NRXN1: variants seen among roughly 807,000 people sequenced by gnomAD.
NRXN1 encodes the protein neurexin 1.
NRXN1 carries 39 observed loss-of-function variants against 150.9 expected under a neutral mutation model. The ratio of observed to expected loss-of-function variants is 0.26; its 90% CI spans 0.20 to 0.34. NRXN1 has a LOEUF of 0.34. NRXN1 is among the 10% of genes least tolerant of loss of function. The probability of loss-of-function intolerance (pLI) is 1.00; values close to 1 mark genes in which losing one functional copy is unlikely to be tolerated. For missense variants in NRXN1, 1,815 were observed against 1,949.9 expected (o/e 0.93, Z 1.30); for synonymous variants, 924 against 757.0 (o/e 1.22, Z -3.62).
At chr2:50,629,430 T>G (rs1279982463) in intron 5 of NRXN1, among the ~76,000 whole-genome samples, 1 of 151,652 alleles carries the variant, frequency 6.6e-6, no homozygotes, top group African/African-American at 2.4e-5. Flanking sequence ...AACTAGCCTC[T>G]GTTGTTGTAA....
At chr2:50,084,305 G>C (rs1314786254) in intron 19 of NRXN1, among the ~76,000 whole-genome samples, 1 of 152,192 alleles carries the variant, frequency 6.6e-6, no homozygotes, top group Non-Finnish European at 1.5e-5. Context: ...GGGGACACTG[G>C]GGAGGGGAGG....
chr2:50,472,475 C>A lies in NRXN1; in HGVS notation c.3071-4G>T, dbSNP rs368531714. On this transcript the variant is annotated splice_region_variant and splice_polypyrimidine_tract_variant and intron_variant, in intron 15 of 22. Coordinates refer to ENST00000401669, the MANE Select transcript of NRXN1 (RefSeq NM_001330078.2). ...ACTCCTCCTATATATAAGTCACCTG[C>A]AAGAAGATCAAAGTCTTTGTTACAA... The A allele has an allele frequency of 4.4e-6, 7 of 1,607,078 alleles. No individual in the cohort carries two copies. The African/African-American group carries it at 8.1e-5, about 18-fold the overall frequency.
At chr2:50,478,842 A>T (rs556213175) in intron 15 of NRXN1, among the ~76,000 whole-genome samples, 1 of 152,290 alleles carries the variant, frequency 6.6e-6, no homozygotes, top group South Asian at 2.1e-4. Flanking sequence ...CTCACACCTT[A>T]CAATCAACTA....
intron 12 of NRXN1, among the ~76,000 whole-genome samples, chr2:50,513,402 C>G (rs1286381662): frequency 6.6e-6 from 1 of 152,074 alleles, no homozygotes; most frequent in Admixed American, 6.5e-5. Flanking sequence ...TTAGGCCTCC[C>G]AAAGTCAAAT....
intron 21 of NRXN1, among the ~76,000 whole-genome samples, chr2:49,954,816 T>C (rs1674644599): frequency 6.6e-6 from 1 of 152,188 alleles, no homozygotes; most frequent in Non-Finnish European, 1.5e-5. Flanking sequence ...TCTAAAAGTA[T>C]GAAGACTGCT....
intron 18 of NRXN1, among the ~76,000 whole-genome samples, chr2:50,224,231 G>A: frequency 6.6e-6 from 1 of 151,948 alleles, no homozygotes; most frequent in African/African-American, 2.4e-5. Context: ...TTTGTACAAA[G>A]AAAAATGAAG....
At chr2:49,973,428 T>G (rs1678310456) in intron 21 of NRXN1, among the ~76,000 whole-genome samples, 1 of 152,166 alleles carries the variant, frequency 6.6e-6, no homozygotes, top group Non-Finnish European at 1.5e-5. Context: ...AATTCAGACA[T>G]TCCATCTTTA....
At chr2:50,980,647 T>C (rs1696642565) in intron 2 of NRXN1, among the ~76,000 whole-genome samples, 2 of 152,108 alleles carry the variant, frequency 1.3e-5, no homozygotes, top group Admixed American at 1.3e-4. Context: ...TAAATAAATG[T>C]ACACAATAAT....
At chr2:50,605,332 GCAT>G (rs1676915634) in intron 8 of NRXN1, among the ~76,000 whole-genome samples, 1 of 152,164 alleles carries the variant, frequency 6.6e-6, no homozygotes, top group Non-Finnish European at 1.5e-5. Context: ...TGTAAATCCA[GCAT>G]CTAGTCAGTG....
chr2:50,703,294 T>C (rs1161018984), intron 5 of NRXN1, among the ~76,000 whole-genome samples: 3 of 152,000 alleles, frequency 2.0e-5, no homozygotes, highest in Non-Finnish European at 2.9e-5. Flanking sequence ...GCCAAGAAAA[T>C]GGCATATGTT....
At position 50,346,537 on chromosome 2, in the gene NRXN1, CAA is replaced by C. The variant is rs1001902862; in HGVS notation, c.3365-109569_3365-109568del. On this transcript the variant is annotated intron_variant, in intron 17 of 22. Coordinates refer to ENST00000401669, the MANE Select transcript of NRXN1 (RefSeq NM_001330078.2). This position sits in a 1 kb window ranked among gnomAD's most constrained non-coding sequence, Gnocchi z 5.0. ...TCCCCCATCCCCTTTCTATTGTCTTCAAAGAGATAAGTGGCTCGCACCAAGCA... is the reference window on the plus strand; with the variant it reads ...TCCCCCATCCCCTTTCTATTGTCTTCAGAGATAAGTGGCTCGCACCAAGCA... Among the ~76,000 whole-genome samples, 1 of 151,994 alleles carries C rather than the reference CAA, an allele frequency of 6.6e-6. No homozygotes were observed. Among genetic ancestry groups the C allele is most frequent in the African/African-American group, 2.4e-5 (1 of 41,396 alleles).
chr2:50,531,844 G>C (rs906475421), intron 10 of NRXN1, among the ~76,000 whole-genome samples: 1 of 151,802 alleles, frequency 6.6e-6, no homozygotes, highest in Non-Finnish European at 1.5e-5. Flanking sequence ...TTTTTGTTTG[G>C]GTTTTGTTGT....
At chr2:50,522,445 T>A (rs955853614) in intron 12 of NRXN1, among the ~76,000 whole-genome samples, 4 of 152,206 alleles carry the variant, frequency 2.6e-5, no homozygotes, top group African/African-American at 9.6e-5. Context: ...AATTAATAAC[T>A]GTGCTTGGTT....
At chr2:50,737,762 G>C (rs1420982935) in intron 5 of NRXN1, among the ~76,000 whole-genome samples, 1 of 151,992 alleles carries the variant, frequency 6.6e-6, no homozygotes, top group South Asian at 2.1e-4. Flanking sequence ...ATACAATGGG[G>C]TCACTCAATG....
At chr2:50,189,200 C>G (rs637409) in intron 18 of NRXN1, among the ~76,000 whole-genome samples, 123,141 of 152,096 alleles carry the variant, frequency 0.81, 50,324 homozygotes, top group African/African-American at 0.92. Context: ...AAAAGAATTA[C>G]TTCATGTCCT....
At chr2:50,361,542 A>T (rs1394741055) in intron 17 of NRXN1, among the ~76,000 whole-genome samples, 3 of 152,154 alleles carry the variant, frequency 2.0e-5, no homozygotes, top group African/African-American at 7.2e-5. Flanking sequence ...GGATATATAC[A>T]CCCTCCGAAG....
intron 18 of NRXN1, among the ~76,000 whole-genome samples, chr2:50,217,294 T>G (rs1353610993): frequency 9.2e-5 from 14 of 152,046 alleles, no homozygotes; most frequent in Non-Finnish European, 2.1e-4. Flanking sequence ...TTATTCTCAA[T>G]CACATCTTTA....
chr2:50,823,906 T>C (rs1459674373), intron 5 of NRXN1, among the ~76,000 whole-genome samples: 1 of 152,180 alleles, frequency 6.6e-6, no homozygotes, highest in Non-Finnish European at 1.5e-5. Context: ...TTCTGGGACA[T>C]TTTGAATTGA....
chr2:50,224,988 G>A (rs771512883), intron 18 of NRXN1, among the ~76,000 whole-genome samples: 36 of 151,972 alleles, frequency 2.4e-4, no homozygotes, highest in Non-Finnish European at 4.7e-4. Context: ...ATTTGAATCT[G>A]AAGGTGGAGC....
Sources: gnomAD v4.1 joint callset for allele counts (sites outside exome capture counted in the v4.1 genomes callset) on GRCh38, gnomAD v4.1.1 for gene constraint, Gnocchi (gnomAD v3.1) non-coding constraint, MANE v1.5 for transcripts, NCBI Gene and HGNC (gene_info 2026-07-23, HGNC 2026-07-21) for gene names.